The following CNTNAP2 variants were observed in gnomAD, a reference collection of about 807,000 sequenced individuals.
CNTNAP2 encodes contactin-associated protein-like 2.
Under a neutral mutation model 155.2 loss-of-function variants are expected in CNTNAP2, and 98 were observed. The ratio of observed to expected loss-of-function variants is 0.63; its 90% confidence interval spans 0.54 to 0.75. The LOEUF (loss-of-function observed/expected upper bound fraction) is 0.75, where lower values mean the gene tolerates loss of function less well. CNTNAP2 is among the 30% of genes least tolerant of loss of function. The pLI is 0.00. For missense variants in CNTNAP2, 1,727 were observed against 1,688.1 expected (o/e 1.02, Z -0.40); for synonymous variants, 651 against 631.2 (o/e 1.03, Z -0.47).
chr7:148,304,261 T>C (rs1277453901), intron 21 of CNTNAP2, among the ~76,000 whole-genome samples: 5 of 112,028 alleles, frequency 4.5e-5, no homozygotes, highest in African/African-American at 1.3e-4. Context: ...GTTTTTATAC[T>C]TTGTTATCGT....
Position 146,823,467 on chromosome 7 carries a change from A to C in CNTNAP2, c.209-16244A>C, listed in dbSNP as rs199952460. ...AATATACTCATTCTTCAGTATATTT[A>C]CATGGAAATATACTCATTCTTCAGT... is the stretch of plus-strand genomic sequence containing the variant. On this transcript the variant is annotated intron_variant, in intron 2 of 23. Coordinates refer to ENST00000361727, the MANE Select transcript of CNTNAP2 (RefSeq NM_014141.6). Among the ~76,000 whole-genome samples the C allele has an allele frequency of 2.0e-3, 244 of 120,554 alleles. 2 individuals are homozygous for C. Among genetic ancestry groups the C allele is most frequent in the African/African-American group, 8.7e-3 (215 of 24,654 alleles). The allele number at this position is 120,554 out of a possible 152,430, so 79.1% of individuals were successfully genotyped here.
chr7:147,402,878 C>T lies in CNTNAP2; in HGVS notation c.1670+7098C>T, dbSNP rs540665483. On this transcript the variant is annotated intron_variant, in intron 10 of 23. Transcript: ENST00000361727. ...GATTCCTAAGTCTCTGCTGTATAAACCAAATATAAAATTCTAAGCCATCAT... is the reference window on the plus strand; with the variant it reads ...GATTCCTAAGTCTCTGCTGTATAAATCAAATATAAAATTCTAAGCCATCAT... Among the ~76,000 whole-genome samples, 18 of 150,898 alleles carry T rather than the reference C, an allele frequency of 1.2e-4. No homozygotes were observed. The South Asian group carries it at 3.8e-3, about 32-fold the overall frequency.
chr7:147,615,174 G>C (rs1801257685), intron 12 of CNTNAP2, among the ~76,000 whole-genome samples: 1 of 147,608 alleles, frequency 6.8e-6, no homozygotes, highest in Non-Finnish European at 1.5e-5. Flanking sequence ...TGAAGTGGAA[G>C]GATCACTTGA....
intron 15 of CNTNAP2, among the ~76,000 whole-genome samples, chr7:147,987,480 A>C (rs1801638888): frequency 6.6e-6 from 1 of 152,172 alleles, no homozygotes; most frequent in Non-Finnish European, 1.5e-5. Context: ...CCACAGAGGA[A>C]TTAACGTGAA....
intron 15 of CNTNAP2, among the ~76,000 whole-genome samples, chr7:148,099,752 C>T (rs1203520983): frequency 2.0e-5 from 3 of 151,748 alleles, no homozygotes; most frequent in Admixed American, 1.3e-4. Flanking sequence ...TAGCATAGCA[C>T]ACAGCACTCT....
intron 1 of CNTNAP2, among the ~76,000 whole-genome samples, chr7:146,633,455 GA>G (rs1799542905): frequency 6.6e-6 from 1 of 152,074 alleles, no homozygotes; most frequent in Non-Finnish European, 1.5e-5. Flanking sequence ...TCTGTAAATG[GA>G]TAGGATACCA....
intron 13 of CNTNAP2, among the ~76,000 whole-genome samples, chr7:147,708,921 A>C (rs931940713): frequency 6.6e-6 from 1 of 152,178 alleles, no homozygotes. Flanking sequence ...TCTGCCATGC[A>C]GTTAATACAT....
At chr7:148,176,068 A>G (rs984244089) in intron 18 of CNTNAP2, among the ~76,000 whole-genome samples, 1 of 152,074 alleles carries the variant, frequency 6.6e-6, no homozygotes, top group African/African-American at 2.4e-5. Context: ...ACAGGGCTGG[A>G]TTTGAGTAGG....
At chr7:147,269,686 T>C (rs1320748420) in intron 8 of CNTNAP2, among the ~76,000 whole-genome samples, 5 of 152,068 alleles carry the variant, frequency 3.3e-5, no homozygotes, top group African/African-American at 1.2e-4. Flanking sequence ...TGAGCTGAGA[T>C]TTATGTATGG....
At chr7:148,222,599 G>T (rs1795771863) in intron 19 of CNTNAP2, among the ~76,000 whole-genome samples, 1 of 152,172 alleles carries the variant, frequency 6.6e-6, no homozygotes, top group Non-Finnish European at 1.5e-5. Flanking sequence ...TGAGGACAGA[G>T]TCCTCATGAT....
In CNTNAP2 at chr7:148,398,554, A is replaced by C. The variant is rs181147449; in HGVS notation, c.3716-10837A>C. The stretch of plus-strand genomic sequence containing the variant: ...ATCCACAGCCAAAGTATGGCCTTTG[A>C]ATTTACTAGAAATTTCCACAGAGGG... On this transcript the variant is annotated intron_variant, in intron 22 of 23. Coordinates refer to ENST00000361727, the MANE Select transcript of CNTNAP2 (RefSeq NM_014141.6). 3.9e-3 allele frequency among the ~76,000 whole-genome samples: 601 copies of C among 152,352 alleles called. 2 individuals are homozygous for C. The highest frequency in any genetic ancestry group is 5.1e-3 in the Non-Finnish European group (349 of 68,036).
chr7:148,050,905 G>A (rs1802876731), intron 15 of CNTNAP2, among the ~76,000 whole-genome samples: 1 of 152,130 alleles, frequency 6.6e-6, no homozygotes, highest in South Asian at 2.1e-4. Flanking sequence ...GGAGCAACGG[G>A]CCATAGCATA....
At chr7:146,130,883 C>T (rs533259265) in intron 1 of CNTNAP2, among the ~76,000 whole-genome samples, 6 of 152,186 alleles carry the variant, frequency 3.9e-5, no homozygotes, top group Admixed American at 2.6e-4. Context: ...AGGAAACAAC[C>T]AGATCTTGTG....
chr7:147,318,179 C>T (rs1221219093), intron 9 of CNTNAP2, among the ~76,000 whole-genome samples: 1 of 152,134 alleles, frequency 6.6e-6, no homozygotes, highest in East Asian at 1.9e-4. Context: ...TTGTGGCTCA[C>T]ACCTATAATC....
At chr7:147,093,514 C>T (rs1364618861) in intron 4 of CNTNAP2, among the ~76,000 whole-genome samples, 5 of 152,122 alleles carry the variant, frequency 3.3e-5, no homozygotes, top group South Asian at 2.1e-4. Flanking sequence ...ACTGATTTAG[C>T]GAATACTGAA....
At chr7:148,291,892 G>A (rs907408299) in intron 21 of CNTNAP2, among the ~76,000 whole-genome samples, 5 of 152,166 alleles carry the variant, frequency 3.3e-5, no homozygotes, top group African/African-American at 1.2e-4. Context: ...TTAAGGGCCA[G>A]GAAAAGGGCA....
intron 13 of CNTNAP2, among the ~76,000 whole-genome samples, chr7:147,753,206 A>G (rs1027398183): frequency 6.6e-6 from 1 of 152,222 alleles, no homozygotes; most frequent in African/African-American, 2.4e-5. Context: ...GAAGACTGGC[A>G]TAATCAAGTA....
intron 19 of CNTNAP2, among the ~76,000 whole-genome samples, chr7:148,227,255 G>T (rs941383172): frequency 1.4e-4 from 21 of 152,178 alleles, no homozygotes; most frequent in African/African-American, 5.1e-4. Context: ...ACTTCCCCAA[G>T]GGTCACGGGC....
intron 1 of CNTNAP2, among the ~76,000 whole-genome samples, chr7:146,730,701 C>T (rs141164716): frequency 1.1e-3 from 170 of 152,208 alleles, no homozygotes; most frequent in African/African-American, 3.9e-3. Flanking sequence ...GAATGAGTGG[C>T]TAAATAATTC....
Sources: gnomAD v4.1 joint callset for allele counts (sites outside exome capture counted in the v4.1 genomes callset) on GRCh38, gnomAD v4.1.1 for gene constraint, MANE v1.5 for transcripts, NCBI Gene and HGNC (gene_info 2026-07-23, HGNC 2026-07-21) for gene names.